Variants in IGF2BP1 observed in about 807,000 individuals in gnomAD.
IGF2BP1 encodes the protein insulin-like growth factor 2 mRNA-binding protein 1.
A neutral mutation model predicts 74.9 loss-of-function variants in IGF2BP1; 11 were observed. The ratio of observed to expected loss-of-function variants is 0.15; its 90% CI spans 0.09 to 0.24. The LOEUF (loss-of-function observed/expected upper bound fraction) is 0.24. Ranked by LOEUF, IGF2BP1 falls within the 10% of genes least tolerant of loss-of-function variation. The probability of loss-of-function intolerance (pLI) is 1.00; values close to 1 mark genes in which losing one functional copy is unlikely to be tolerated. For synonymous variants in IGF2BP1, 287 were observed against 281.8 expected (o/e 1.02, Z -0.18); for missense variants, 440 against 757.4 (o/e 0.58, Z 4.92).
Position 49,055,339 on chromosome 17 carries a change from G to A in IGF2BP1, c.*5895G>A, listed in dbSNP as rs1361829246. On this transcript the variant is annotated 3_prime_UTR_variant, in exon 15 of 15. Coordinates refer to ENST00000290341, the MANE Select transcript of IGF2BP1 (RefSeq NM_006546.4). ...AGCTTTCACAGTCTGCCCCTGGCCT[G>A]TCTCACCCCATCCCCCACCCTATTC... The A allele has an allele frequency of 1.3e-5, 4 of 298,140 alleles. No individual in the cohort carries two copies. The highest frequency in any genetic ancestry group is 5.1e-5 in the Admixed American group (1 of 19,470). 18.5% of individuals were successfully genotyped at this position (298,140 alleles called of 1,614,324 possible).
At chr17:49,016,250 C>G (rs2041699865) in intron 2 of IGF2BP1, among the ~76,000 whole-genome samples, 1 of 152,248 alleles carries the variant, frequency 6.6e-6, no homozygotes, top group South Asian at 2.1e-4. Flanking sequence ...GTTTCCTTCT[C>G]TGAGCCTCAG....
chr17:49,026,383 T>G (rs1487349478), intron 3 of IGF2BP1, 83 bp from the exon 4 acceptor site: 12 of 1,223,430 alleles, frequency 9.8e-6, no homozygotes, highest in Non-Finnish European at 1.3e-5. Context: ...CCCGATTGCT[T>G]TGGGATGCAG....
intron 2 of IGF2BP1, among the ~76,000 whole-genome samples, chr17:49,014,309 C>T (rs1447148317): frequency 1.4e-5 from 2 of 143,038 alleles, no homozygotes; most frequent in Non-Finnish European, 3.1e-5. Flanking sequence ...CCTCTGTCTC[C>T]CCCTCAGTCT....
Position 49,051,637 on chromosome 17 carries a change from G to A in IGF2BP1, c.*2193G>A, listed in dbSNP as rs1301549833. 6.6e-6 allele frequency: 1 copy of A among 152,112 alleles called. No individual in the cohort carries two copies. The highest frequency in any genetic ancestry group is 1.5e-5 in the Non-Finnish European group (1 of 68,032). The allele number at this position is 152,112 out of a possible 1,614,324, so 9.4% of individuals were successfully genotyped here. A position where few individuals can be genotyped will look rare whatever the true frequency, so the allele number is the denominator to read the frequency against. ...TCTCAGCCAGCTTTTCCCACCAGTGGTGCTGTTGAGATATTTTAAAATATT... is the reference window on the plus strand; with the variant it reads ...TCTCAGCCAGCTTTTCCCACCAGTGATGCTGTTGAGATATTTTAAAATATT... On this transcript the variant is annotated 3_prime_UTR_variant, in exon 15 of 15. Transcript: ENST00000290341.
In IGF2BP1 at chr17:49,042,447, G is replaced by A. The variant is rs746661236; in HGVS notation, c.1077+70G>A. On this transcript the variant is annotated intron_variant, in intron 9 of 14. Coordinates refer to ENST00000290341, the MANE Select transcript of IGF2BP1 (RefSeq NM_006546.4). ...AGCAACAGCAGCTTGTGGGGTGCAG[G>A]GTGATGGACATGTGCCCTGTGCCGT... 6.1e-5 allele frequency: 95 copies of A among 1,567,390 alleles called. No homozygotes were observed. The Middle Eastern group carries it at 8.4e-4, about 14-fold the overall frequency.
At position 49,053,931 on chromosome 17, in the gene IGF2BP1, C is replaced by T. The variant is rs2042196620; in HGVS notation, c.*4487C>T. 1 of 152,694 alleles carries T rather than the reference C, an allele frequency of 6.5e-6. No homozygotes were observed. Among genetic ancestry groups the T allele is most frequent in the Non-Finnish European group, 1.5e-5 (1 of 68,056 alleles). 9.5% of individuals were successfully genotyped at this position (152,694 alleles called of 1,614,324 possible). On this transcript the variant is annotated 3_prime_UTR_variant, in exon 15 of 15. Coordinates refer to ENST00000290341, the MANE Select transcript of IGF2BP1 (RefSeq NM_006546.4). ...ACCAGTAGAAGGGAAACAGCACAGC[C>T]TGTCACAGTAATTGCAGGAAGATTG... is the stretch of plus-strand genomic sequence containing the variant.
chr17:49,043,883 C>T, intron 10 of IGF2BP1, 84 bp from the exon 11 acceptor site: 1 of 1,556,580 alleles, frequency 6.4e-7, no homozygotes, highest in Non-Finnish European at 8.7e-7. Flanking sequence ...CTCCTTCCTC[C>T]TTGAGGATGC....
Position 49,011,006 on chromosome 17 carries a change from G to A in IGF2BP1, c.236+11837G>A, listed in dbSNP as rs144770627. The stretch of plus-strand genomic sequence containing the variant: ...ACAAAAACTAGCCAGGCATGGTGGC[G>A]CGCACCTGTAATCCCAGCTTCTCGG... On this transcript the variant is annotated intron_variant, in intron 2 of 14. Transcript: ENST00000290341. Among the ~76,000 whole-genome samples the A allele has an allele frequency of 4.0e-5, 6 of 151,478 alleles. No homozygotes were observed. The South Asian group carries it at 8.4e-4, about 21-fold the overall frequency.
chr17:49,032,106 C>A, intron 5 of IGF2BP1, 133 bp downstream of exon 5: 1 of 696,444 alleles, frequency 1.4e-6, no homozygotes, highest in Non-Finnish European at 2.5e-6. Context: ...GATATTAGCC[C>A]AAGCCAAACC....
At chr17:49,004,133 C>T (rs550529646) in intron 2 of IGF2BP1, among the ~76,000 whole-genome samples, 115 of 152,306 alleles carry the variant, frequency 7.6e-4, no homozygotes, top group African/African-American at 2.4e-3. Context: ...CCTGCCTTCT[C>T]TTAACAAGCC....
At chr17:49,043,755 G>A in intron 10 of IGF2BP1, among the ~76,000 whole-genome samples, 1 of 152,170 alleles carries the variant, frequency 6.6e-6, no homozygotes, top group East Asian at 1.9e-4. Context: ...CCGGGGCATA[G>A]ACAGCACTGT....
chr17:49,005,933 A>G (rs2041547118), intron 2 of IGF2BP1, among the ~76,000 whole-genome samples: 1 of 152,086 alleles, frequency 6.6e-6, no homozygotes, highest in African/African-American at 2.4e-5. Context: ...GTGGTGGTGC[A>G]TGCCTGTAGT....
At chr17:49,047,857 G>A (rs549647661) in intron 14 of IGF2BP1, among the ~76,000 whole-genome samples, 103 of 152,196 alleles carry the variant, frequency 6.8e-4, no homozygotes, top group African/African-American at 2.4e-3. Flanking sequence ...TGGGACTACA[G>A]GCAGGTACCA....
In IGF2BP1 at chr17:49,007,589, A is replaced by G. The variant is rs928935379; in HGVS notation, c.236+8420A>G. On this transcript the variant is annotated intron_variant, in intron 2 of 14. Coordinates refer to ENST00000290341, the MANE Select transcript of IGF2BP1 (RefSeq NM_006546.4). ...TTGTGACTTTAATCATTTACTATAAAGGGTTTTACAATTAGTTTATGCAGA... is the reference window on the plus strand; with the variant it reads ...TTGTGACTTTAATCATTTACTATAAGGGGTTTTACAATTAGTTTATGCAGA... 5.9e-5 allele frequency among the ~76,000 whole-genome samples: 9 copies of G among 152,270 alleles called. No individual in the cohort carries two copies. The South Asian group carries it at 1.9e-3, about 32-fold the overall frequency.
chr17:49,025,798 T>C (rs1424841422), intron 3 of IGF2BP1, 132 bp downstream of exon 3: 4 of 619,866 alleles, frequency 6.5e-6, no homozygotes, highest in Non-Finnish European at 8.5e-6. Flanking sequence ...TCTCATCCTT[T>C]CTTTCTTTTT....
chr17:49,012,927 C>G (rs2041639002), intron 2 of IGF2BP1: 1 of 152,058 alleles, frequency 6.6e-6, no homozygotes, highest in Admixed American at 6.6e-5. Context: ...ATATCAGGAA[C>G]CCAGTTACGT....
intron 2 of IGF2BP1, among the ~76,000 whole-genome samples, chr17:49,008,500 G>C (rs1006815808): frequency 5.3e-5 from 8 of 152,206 alleles, no homozygotes; most frequent in Admixed American, 3.9e-4. Flanking sequence ...TCTGGGTGTA[G>C]GCAGGAGGTG....
At chr17:49,028,232 C>G (rs2041881179) in intron 4 of IGF2BP1, among the ~76,000 whole-genome samples, 1 of 152,114 alleles carries the variant, frequency 6.6e-6, no homozygotes, top group Admixed American at 6.5e-5. Flanking sequence ...ATAAGGCGGT[C>G]TTTAGGTAGA....
intron 5 of IGF2BP1, among the ~76,000 whole-genome samples, chr17:49,034,420 T>C (rs2041961145): frequency 6.9e-6 from 1 of 145,776 alleles, no homozygotes; most frequent in South Asian, 2.2e-4. Flanking sequence ...CACTTGGCCT[T>C]TTTTTTTTTT....
Sources: allele counts gnomAD v4.1 joint callset (sites outside exome capture counted in the v4.1 genomes callset), GRCh38; gene constraint gnomAD v4.1.1; transcripts MANE v1.5; gene names NCBI Gene and HGNC (gene_info 2026-07-23, HGNC 2026-07-21).